Variants in EPHA5 observed in about 807,000 individuals in gnomAD.
The protein encoded by EPHA5 is ephrin type-A receptor 5.
Under a neutral mutation model 105.0 loss-of-function variants are expected in EPHA5, and 60 were observed. The observed-to-expected ratio is 0.57, with a 90% CI of 0.46 to 0.71. The LOEUF (loss-of-function observed/expected upper bound fraction) is 0.71. EPHA5 is among the 30% of genes least tolerant of loss of function. The probability of loss-of-function intolerance (pLI) is 0.00; values close to 1 mark genes in which losing one functional copy is unlikely to be tolerated. For synonymous variants in EPHA5, 513 were observed against 449.1 expected (o/e 1.14, Z -1.80); for missense variants, 1,218 against 1,274.7 (o/e 0.96, Z 0.68).
chr4:65,653,246 T>C (rs1010980165), intron 1 of EPHA5, among the ~76,000 whole-genome samples: 2 of 152,000 alleles, frequency 1.3e-5, no homozygotes, highest in Admixed American at 1.3e-4. Flanking sequence ...AACAAACAAC[T>C]TGATGACCTA....
rs150719652 is a variant in EPHA5, at chr4:65,495,507, A to T, written c.947T>A (p.Ile316Asn). The T allele has an allele frequency of 6.2e-7, 1 of 1,613,782 alleles. No individual in the cohort carries two copies. The highest frequency in any genetic ancestry group is 1.1e-5 in the South Asian group (1 of 91,064). ...AGGTGGACATTTGCCGCAGCTCTGG[A>T]TGTGAGGTGAGGCTTTGAAGAACCC... ...RPGFFKASPH[I>N]QSCGKCPPHS... The change falls in exon 4 of 17, where the codon ATC becomes AAC. Residue 316 changes from isoleucine to asparagine, a missense_variant. Around this residue, in one of 3 missense-constraint regions of EPHA5, gnomAD observed 971 missense variants for 1,013.5 expected, o/e 0.96. Transcript: ENST00000613740.
At chr4:65,415,638 C>G (rs1424693843) in intron 6 of EPHA5, among the ~76,000 whole-genome samples, 6 of 151,912 alleles carry the variant, frequency 3.9e-5, no homozygotes, top group African/African-American at 1.4e-4. Context: ...AATGATTGAT[C>G]TTTAATTTTT....
rs114562099 is a variant in EPHA5, at chr4:65,450,549, C to T, written c.1403-29984G>A. Among the ~76,000 whole-genome samples, 537 of 152,162 alleles carry T rather than the reference C, an allele frequency of 3.5e-3. 2 individuals carry two copies. Among genetic ancestry groups the T allele is most frequent in the African/African-American group, 0.012 (506 of 41,528 alleles). The stretch of plus-strand genomic sequence containing the variant: ...GTAGACACTTGTTTCATTTTCAATT[C>T]CAAAGCATAATGGCAAATAATATGT... On this transcript the variant is annotated intron_variant, in intron 5 of 16. Coordinates refer to ENST00000613740, the MANE Select transcript of EPHA5 (RefSeq NM_001281766.3).
intron 8 of EPHA5, among the ~76,000 whole-genome samples, chr4:65,401,428 T>C (rs1224055922): frequency 6.6e-6 from 1 of 152,200 alleles, no homozygotes; most frequent in East Asian, 1.9e-4. Context: ...AAGTAGTTTG[T>C]CCATGAAGAG....
intron 5 of EPHA5, among the ~76,000 whole-genome samples, chr4:65,421,566 A>T (rs1723949123): frequency 6.6e-6 from 1 of 152,144 alleles, no homozygotes; most frequent in South Asian, 2.1e-4. Context: ...CAACAGTAAA[A>T]ATCGCAGAGA....
chr4:65,638,639 T>A (rs1360627449), intron 2 of EPHA5, among the ~76,000 whole-genome samples: 1 of 152,146 alleles, frequency 6.6e-6, no homozygotes, highest in Non-Finnish European at 1.5e-5. Context: ...CTCGGAAGGC[T>A]GAGGCAGGAG....
At chr4:65,573,339 A>G in intron 3 of EPHA5, 4 of 582,778 alleles carry the variant, frequency 6.9e-6, no homozygotes, top group Non-Finnish European at 1.1e-5. Flanking sequence ...TGAACCCGGG[A>G]GGCAGAGCTT....
At chr4:65,388,133 C>A (rs1220962629) in intron 8 of EPHA5, among the ~76,000 whole-genome samples, 2 of 150,784 alleles carry the variant, frequency 1.3e-5, no homozygotes, top group Non-Finnish European at 3.0e-5. Context: ...CATGTCCCTA[C>A]AAAGGACATG....
At chr4:65,380,828 A>G (rs1396637907) in intron 8 of EPHA5, among the ~76,000 whole-genome samples, 1 of 151,780 alleles carries the variant, frequency 6.6e-6, no homozygotes, top group East Asian at 1.9e-4. Flanking sequence ...AATCCTTTAG[A>G]AAACAAAATT....
intron 8 of EPHA5, among the ~76,000 whole-genome samples, chr4:65,395,711 G>A (rs549992841): frequency 7.2e-5 from 11 of 152,290 alleles, no homozygotes; most frequent in Non-Finnish European, 1.5e-4. Flanking sequence ...TACATGATTT[G>A]AACATGATCA....
At chr4:65,360,109 CAAG>C (rs1717131345) in intron 11 of EPHA5, among the ~76,000 whole-genome samples, 1 of 151,588 alleles carries the variant, frequency 6.6e-6, no homozygotes, top group Middle Eastern at 3.2e-3. Context: ...TTAATTTGTT[CAAG>C]CCTTATCTAA....
chr4:65,573,143 G>C (rs867567578), intron 3 of EPHA5, among the ~76,000 whole-genome samples: 17 of 151,960 alleles, frequency 1.1e-4, no homozygotes, highest in African/African-American at 3.6e-4. Context: ...CGGGCGCGGT[G>C]GCTCAGGCCT....
intron 3 of EPHA5, among the ~76,000 whole-genome samples, chr4:65,566,824 T>C (rs578244769): frequency 3.3e-5 from 5 of 151,790 alleles, no homozygotes; most frequent in Admixed American, 1.3e-4. Context: ...TCATCCAAAA[T>C]ATATAATGGT....
chr4:65,582,152 G>A (rs1369806925), intron 3 of EPHA5, among the ~76,000 whole-genome samples: 2 of 151,396 alleles, frequency 1.3e-5, no homozygotes, highest in African/African-American at 2.4e-5. Context: ...TGTTCTGAAG[G>A]AAAAAATAAT....
At chr4:65,378,859 T>C (rs1719276402) in intron 8 of EPHA5, among the ~76,000 whole-genome samples, 1 of 151,908 alleles carries the variant, frequency 6.6e-6, no homozygotes, top group Admixed American at 6.6e-5. Flanking sequence ...TTTACCATAA[T>C]TGGTATTAAC....
intron 3 of EPHA5, among the ~76,000 whole-genome samples, chr4:65,600,710 G>C (rs950618766): frequency 6.6e-6 from 1 of 152,094 alleles, no homozygotes; most frequent in Admixed American, 6.6e-5. Flanking sequence ...TCATTACCTA[G>C]TTAGTACACT....
intron 1 of EPHA5, among the ~76,000 whole-genome samples, chr4:65,659,319 GAAAAAAAAAAAAAAAAAAAAA>G (rs5858980): frequency 2.7e-4 from 19 of 71,604 alleles, no homozygotes; most frequent in East Asian, 9.1e-4. Context: ...TAGAGTAACA[GAAAAAAAAAAAAAAAAAAAAA>G]AAAAAAAAAA....
intron 5 of EPHA5, among the ~76,000 whole-genome samples, chr4:65,442,146 T>C (rs1456275290): frequency 6.6e-6 from 1 of 151,976 alleles, no homozygotes; most frequent in Non-Finnish European, 1.5e-5. Flanking sequence ...CAACACCCCA[T>C]CCAAATTCAT....
intron 5 of EPHA5, among the ~76,000 whole-genome samples, chr4:65,457,120 A>T (rs1042661129): frequency 7.2e-5 from 11 of 152,194 alleles, no homozygotes; most frequent in Non-Finnish European, 1.5e-4. Context: ...TGTGAACTGA[A>T]ATAAACATAC....
Sources: allele counts gnomAD v4.1 joint callset (sites outside exome capture counted in the v4.1 genomes callset), GRCh38; gene constraint gnomAD v4.1.1; regional missense constraint gnomAD v4.1.1; transcripts MANE v1.5; gene names NCBI Gene and HGNC (gene_info 2026-07-23, HGNC 2026-07-21).